The following ASNS variants were observed in gnomAD, a reference collection of about 807,000 sequenced individuals.
The protein encoded by ASNS is asparagine synthetase [glutamine-hydrolyzing].
A neutral mutation model predicts 62.6 loss-of-function variants in ASNS; 37 were observed. That is an observed-to-expected ratio of 0.59 (90% confidence interval 0.45 to 0.78). The LOEUF (loss-of-function observed/expected upper bound fraction) is 0.78. ASNS is among the 30% of genes least tolerant of loss of function. The pLI is 0.00. For synonymous variants in ASNS, 207 were observed against 237.9 expected (o/e 0.87, Z 1.19); for missense variants, 520 against 682.4 (o/e 0.76, Z 2.65).
intron 4 of ASNS, 139 bp from the exon 5 acceptor site, chr7:97,859,537 A>G (rs1791618483): frequency 1.1e-6 from 1 of 913,342 alleles, no homozygotes; most frequent in Non-Finnish European, 1.5e-6. Flanking sequence ...AATAGGAAAA[A>G]AAATTTTCTA....
intron 3 of ASNS, among the ~76,000 whole-genome samples, chr7:97,868,495 A>G (rs1426468332): frequency 6.8e-6 from 1 of 147,612 alleles, no homozygotes; most frequent in African/African-American, 2.5e-5. Context: ...TCTGCACTGT[A>G]CTCTCAAATG....
Position 97,853,374 on chromosome 7 carries a change from T to A in ASNS, c.1251A>T (p.Arg417Ser). Residue 417 changes from arginine (R) to serine (S), a missense_variant, in exon 11 of 13, where the codon AGA (arginine) becomes AGT (serine). Arg to Ser is a moderately radical substitution (Grantham distance 110). Transcript: ENST00000394308. ...AAAATCGATGATCTAGAAATGGGAC[T>A]CTCAGTTCAAGACTTAAAGGAGAAA... is the stretch of plus-strand genomic sequence containing the variant. ...RTTAAHGLEL[R>S]VPFLDHRFSS... 6.2e-7 allele frequency: 1 copy of A among 1,612,282 alleles called. No individual in the cohort carries two copies. The highest frequency in any genetic ancestry group is 8.5e-7 in the Non-Finnish European group (1 of 1,179,738).
chr7:97,870,494 A>G (rs1204619230), intron 1 of ASNS, among the ~76,000 whole-genome samples: 4 of 152,218 alleles, frequency 2.6e-5, no homozygotes, highest in African/African-American at 7.2e-5. Flanking sequence ...CCAAAGGTTT[A>G]GCTGGCTTTT....
intron 1 of ASNS, chr7:97,870,135 G>T: frequency 1.8e-6 from 1 of 571,004 alleles, no homozygotes; most frequent in Non-Finnish European, 2.7e-6. Context: ...GTTTTATTTG[G>T]CTGCTGCCAG....
intron 12 of ASNS, 67 bp downstream of exon 12, chr7:97,852,993 T>C: frequency 7.0e-7 from 1 of 1,425,060 alleles, no homozygotes; most frequent in Non-Finnish European, 9.3e-7. Flanking sequence ...AAATACAAAA[T>C]GAACAGCAAT....
chr7:97,918,963 A>G, the ASNS span, among the ~76,000 whole-genome samples: 1 of 152,192 alleles, frequency 6.6e-6, no homozygotes, highest in Admixed American at 6.5e-5. Flanking sequence ...AAATCAAAGA[A>G]AAAGGTGTGG....
the ASNS span, among the ~76,000 whole-genome samples, chr7:97,920,192 C>G: frequency 6.6e-6 from 1 of 152,064 alleles, no homozygotes; most frequent in Non-Finnish European, 1.5e-5. Context: ...TTAGTAGAGA[C>G]AGGTTTTCAC....
At chr7:97,859,171 C>T (rs369852911) in intron 5 of ASNS, 42 bp downstream of exon 5, 176 of 1,552,500 alleles carry the variant, frequency 1.1e-4, no homozygotes, top group Non-Finnish European at 1.5e-4. Context: ...AATTTTTTTC[C>T]CTTGGAGAAG....
chr7:97,866,199 C>G (rs904808743), intron 3 of ASNS, among the ~76,000 whole-genome samples: 11 of 152,132 alleles, frequency 7.2e-5, no homozygotes, highest in African/African-American at 2.7e-4. Context: ...GCTTCAAAGT[C>G]CTAGCTATAA....
chr7:97,880,843 G>C, the ASNS span, among the ~76,000 whole-genome samples: 3 of 152,150 alleles, frequency 2.0e-5, no homozygotes, highest in African/African-American at 7.2e-5. Flanking sequence ...CCCAGTGCCC[G>C]GGCTCTGCAG....
chr7:97,911,407 G>A, the ASNS span, among the ~76,000 whole-genome samples: 2 of 151,728 alleles, frequency 1.3e-5, no homozygotes, highest in Admixed American at 6.6e-5. Flanking sequence ...GGGAGGCCGA[G>A]GTGGATGGAG....
rs1792117074 is a variant in ASNS at position 97,868,973 on chromosome 7, T to C, written c.184A>G (p.Ile62Val). Residue 62 changes from isoleucine to valine, a missense_variant, in exon 3 of 13, where the codon ATT (isoleucine) becomes GTT (valine). Coordinates refer to ENST00000394308, the MANE Select transcript of ASNS (RefSeq NM_001673.5). ...VVDPLFGMQPIRVKKYPYLWL... is the reference protein window; with the variant it reads ...VVDPLFGMQPVRVKKYPYLWL... ...AAATACGGATATTTCTTCACTCGAATTGGCTGCATTCCAAACAGCGGGTCA... is the reference window on the plus strand; with the variant it reads ...AAATACGGATATTTCTTCACTCGAACTGGCTGCATTCCAAACAGCGGGTCA... The C allele has an allele frequency of 1.2e-6, 2 of 1,614,230 alleles. No homozygotes were observed. The highest frequency in any genetic ancestry group is 1.7e-5 in the Admixed American group (1 of 60,034).
chr7:97,855,620 T>C (rs528418163), intron 8 of ASNS, among the ~76,000 whole-genome samples, 161 bp from the exon 9 acceptor site: 1 of 152,316 alleles, frequency 6.6e-6, no homozygotes, highest in South Asian at 2.1e-4. Context: ...TTATAAGCCA[T>C]TTATATGTAC....
At chr7:97,892,045 A>G in the ASNS span, among the ~76,000 whole-genome samples, 42 of 150,500 alleles carry the variant, frequency 2.8e-4, no homozygotes, top group African/African-American at 5.9e-4. Context: ...CCTGCAGCAA[A>G]CTCCTGCCTG....
the ASNS span, among the ~76,000 whole-genome samples, chr7:97,912,392 A>G: frequency 7.5e-3 from 1,134 of 151,970 alleles, 14 homozygotes; most frequent in African/African-American, 0.026. Context: ...TTACAAAGCA[A>G]TCTTGTGGAA....
the ASNS span, among the ~76,000 whole-genome samples, chr7:97,926,700 A>G: frequency 6.6e-6 from 1 of 152,192 alleles, no homozygotes; most frequent in Admixed American, 6.5e-5. Flanking sequence ...AGAGCGTGCC[A>G]TATTCAGATT....
intron 4 of ASNS, chr7:97,863,597 CGA>C (rs1791824992): frequency 6.6e-6 from 1 of 152,260 alleles, no homozygotes; most frequent in East Asian, 1.9e-4. Context: ...CTTGAGCCCA[CGA>C]GTTCAAGGCT....
chr7:97,907,739 A>G, the ASNS span, among the ~76,000 whole-genome samples: 4 of 150,258 alleles, frequency 2.7e-5, no homozygotes, highest in African/African-American at 9.8e-5. Flanking sequence ...ACTGCACTCA[A>G]ACCTGGGTGA....
the ASNS span, among the ~76,000 whole-genome samples, chr7:97,904,311 CACACACAGAG>C: frequency 1.4e-5 from 2 of 145,624 alleles, no homozygotes; most frequent in African/African-American, 5.1e-5. Context: ...CACACACACA[CACACACAGAG>C]AGAGAGAAAT....
Sources: gnomAD v4.1 joint callset for allele counts (sites outside exome capture counted in the v4.1 genomes callset) on GRCh38, gnomAD v4.1.1 for gene constraint, MANE v1.5 for transcripts, NCBI Gene and HGNC (gene_info 2026-07-23, HGNC 2026-07-21) for gene names.